Variants in SNTG1 observed in about 807,000 individuals in gnomAD.
SNTG1 encodes the protein syntrophin gamma 1.
A neutral mutation model predicts 74.7 loss-of-function variants in SNTG1; 39 were observed. The observed-to-expected ratio is 0.52, with a 90% CI of 0.40 to 0.68. SNTG1 has a LOEUF of 0.68. Ranked by LOEUF, SNTG1 falls within the 30% of genes least tolerant of loss-of-function variation. The pLI is 0.00. For synonymous variants in SNTG1, 254 were observed against 217.1 expected, an observed-to-expected ratio of 1.17 and a Z score of -1.49; for missense variants, 685 against 609.5, an observed-to-expected ratio of 1.12 and a Z score of -1.30.
chr8:50,009,007 A>G (rs1384169789), intron 1 of SNTG1, among the ~76,000 whole-genome samples: 2 of 136,702 alleles, frequency 1.5e-5, no homozygotes, highest in Non-Finnish European at 3.1e-5. Context: ...ATAGGGAATC[A>G]ATATCCCAGT....
chr8:50,659,432 C>T (rs1454143998), intron 15 of SNTG1, among the ~76,000 whole-genome samples: 1 of 152,118 alleles, frequency 6.6e-6, no homozygotes, highest in Middle Eastern at 3.2e-3. Flanking sequence ...TTTCCCTTTG[C>T]TTTATGTTAG....
chr8:50,417,544 A>G (rs141222611), intron 4 of SNTG1, among the ~76,000 whole-genome samples: 2 of 152,252 alleles, frequency 1.3e-5, no homozygotes, highest in African/African-American at 4.8e-5. Context: ...ATTGCCTGCA[A>G]GTGGCTCACG....
intron 1 of SNTG1, among the ~76,000 whole-genome samples, chr8:49,957,409 A>G (rs1198932608): frequency 6.6e-6 from 1 of 152,152 alleles, no homozygotes; most frequent in African/African-American, 2.4e-5. Context: ...GTTTATCTTT[A>G]TGTTCCTTTA....
chr8:49,912,315 AT>A (rs1330182345), intron 1 of SNTG1, 84 bp downstream of exon 1: 3 of 152,094 alleles, frequency 2.0e-5, no homozygotes, highest in Non-Finnish European at 2.9e-5. Context: ...AAGCAGTGTA[AT>A]TTTTTCTGGG....
chr8:50,118,401 C>T (rs2080895766), intron 1 of SNTG1, among the ~76,000 whole-genome samples: 1 of 152,174 alleles, frequency 6.6e-6, no homozygotes. Flanking sequence ...TTATTAACTG[C>T]TAAGTGTTGT....
chr8:50,712,039 A>C (rs1041882005), intron 17 of SNTG1, among the ~76,000 whole-genome samples: 3 of 152,230 alleles, frequency 2.0e-5, no homozygotes, highest in Non-Finnish European at 2.9e-5. Flanking sequence ...ATAGTGATAG[A>C]GTTCCTAGTT....
intron 1 of SNTG1, among the ~76,000 whole-genome samples, chr8:50,051,787 T>C (rs1254143330): frequency 6.6e-6 from 1 of 152,060 alleles, no homozygotes; most frequent in Non-Finnish European, 1.5e-5. Context: ...GAAGTGACCC[T>C]ACCTTTAAAT....
chr8:49,950,776 C>T (rs1175537909), intron 1 of SNTG1, among the ~76,000 whole-genome samples: 1 of 152,126 alleles, frequency 6.6e-6, no homozygotes, highest in Non-Finnish European at 1.5e-5. Context: ...TGCAAAAAGG[C>T]TGTGGACTCC....
chr8:50,454,564 G>T (rs2131641964), intron 8 of SNTG1, among the ~76,000 whole-genome samples: 1 of 148,668 alleles, frequency 6.7e-6, no homozygotes, highest in East Asian at 2.1e-4. Context: ...CTGGGTGGCA[G>T]GGCGTGGTGG....
chr8:50,703,333 T>A (rs11998686), intron 15 of SNTG1, among the ~76,000 whole-genome samples: 4 of 151,984 alleles, frequency 2.6e-5, no homozygotes, highest in African/African-American at 9.7e-5. Context: ...TTTTTAAAAT[T>A]TTTATAAAAA....
At chr8:50,350,005 A>C (rs1175547197) in intron 2 of SNTG1, among the ~76,000 whole-genome samples, 1 of 152,136 alleles carries the variant, frequency 6.6e-6, no homozygotes, top group East Asian at 1.9e-4. Context: ...GCGGCCCCAC[A>C]CTCAGAGCGG....
rs187303167 is a variant in SNTG1, at chr8:50,690,227, T to G, written c.1039-14373T>G. Among the ~76,000 whole-genome samples, 10 of 152,288 alleles carry G rather than the reference T, an allele frequency of 6.6e-5. No individual in the cohort carries two copies. The East Asian group carries it at 1.9e-3, about 29-fold the overall frequency. On this transcript the variant is annotated intron_variant, in intron 15 of 18. Coordinates refer to ENST00000642720, the MANE Select transcript of SNTG1 (RefSeq NM_018967.5). The stretch of plus-strand genomic sequence containing the variant: ...CCTGGATTCATTAATTTTTGAAGGT[T>G]TTTTTGTGTCTCTATTTCCTTCAGT...
intron 5 of SNTG1, among the ~76,000 whole-genome samples, chr8:50,445,462 A>T (rs980394127): frequency 6.6e-6 from 1 of 152,198 alleles, no homozygotes; most frequent in African/African-American, 2.4e-5. Context: ...GATGCTCTAA[A>T]AGCATTCCAG....
At chr8:50,299,236 C>T (rs947271264) in intron 2 of SNTG1, among the ~76,000 whole-genome samples, 2 of 152,074 alleles carry the variant, frequency 1.3e-5, no homozygotes, top group African/African-American at 4.8e-5. Flanking sequence ...GTCAACCAGG[C>T]TGGAATGCAG....
intron 8 of SNTG1, among the ~76,000 whole-genome samples, chr8:50,474,205 A>G (rs1160984782): frequency 1.3e-5 from 2 of 152,262 alleles, no homozygotes; most frequent in Middle Eastern, 3.4e-3. Context: ...CAATGGCAAC[A>G]CAACCCAAAA....
chr8:49,945,474 T>C (rs113607461), intron 1 of SNTG1, among the ~76,000 whole-genome samples: 4 of 152,336 alleles, frequency 2.6e-5, no homozygotes, highest in African/African-American at 9.6e-5. Context: ...ATGGGTCTTA[T>C]GTTAAGCAGC....
intron 13 of SNTG1, among the ~76,000 whole-genome samples, chr8:50,608,536 A>G (rs1406003523): frequency 1.3e-5 from 2 of 151,504 alleles, no homozygotes; most frequent in African/African-American, 4.8e-5. Context: ...TATGGTTGCT[A>G]TTTTCTTGGC....
chr8:50,178,855 T>G (rs2083098285), intron 2 of SNTG1, among the ~76,000 whole-genome samples: 1 of 152,216 alleles, frequency 6.6e-6, no homozygotes, highest in Non-Finnish European at 1.5e-5. Flanking sequence ...GTAGTCATGC[T>G]TGCTTATTTT....
chr8:50,751,145 T>G (rs1353884638), intron 17 of SNTG1, among the ~76,000 whole-genome samples: 1 of 152,046 alleles, frequency 6.6e-6, no homozygotes, highest in African/African-American at 2.4e-5. Flanking sequence ...TATCACATAT[T>G]TAATGAGATA....
Sources: allele counts gnomAD v4.1 joint callset (sites outside exome capture counted in the v4.1 genomes callset), GRCh38; gene constraint gnomAD v4.1.1; transcripts MANE v1.5; gene names NCBI Gene and HGNC (gene_info 2026-07-23, HGNC 2026-07-21).